The following USP42 variants were observed in gnomAD, a reference collection of about 807,000 sequenced individuals.
The protein encoded by USP42 is ubiquitin carboxyl-terminal hydrolase 42.
USP42 carries 23 observed loss-of-function variants against 113.0 expected under a neutral mutation model. The ratio of observed to expected loss-of-function variants is 0.20; its 90% CI spans 0.15 to 0.29. The LOEUF is 0.29. Among genes scored for constraint, USP42 ranks in the 10% least tolerant of loss-of-function variants. USP42 has a pLI of 1.00. For missense variants in USP42, 2,174 were observed against 1,779.8 expected, an observed-to-expected ratio of 1.22 and a Z score of -3.99; for synonymous variants, 933 against 699.0, an observed-to-expected ratio of 1.33 and a Z score of -5.28.
intron 15 of USP42, among the ~76,000 whole-genome samples, 172 bp downstream of exon 15, chr7:6,155,367 T>C (rs1782385612): frequency 6.6e-6 from 1 of 152,222 alleles, no homozygotes; most frequent in African/African-American, 2.4e-5. Flanking sequence ...TACAGATTTG[T>C]AAAAATTTGC....
upstream of USP42, among the ~76,000 whole-genome samples, chr7:6,102,987 A>C (rs1187089430): frequency 8.6e-5 from 13 of 151,044 alleles, no homozygotes; most frequent in Admixed American, 7.2e-4. Flanking sequence ...TGGGGAGGCC[A>C]GGTAAACATG....
chr7:6,127,453 GT>G (rs550990235), intron 3 of USP42, among the ~76,000 whole-genome samples: 38 of 144,570 alleles, frequency 2.6e-4, no homozygotes, highest in African/African-American at 6.8e-4. Flanking sequence ...TCCATTTTGA[GT>G]TTTTTTTTTT....
the USP42 span, among the ~76,000 whole-genome samples, chr7:6,083,117 G>T: frequency 6.7e-6 from 1 of 148,956 alleles, no homozygotes; most frequent in South Asian, 2.1e-4. Context: ...TAGAGGTGGG[G>T]TTTCACCATG....
chr7:6,137,619 A>G (rs564875578), intron 4 of USP42, among the ~76,000 whole-genome samples: 1 of 151,986 alleles, frequency 6.6e-6, no homozygotes, highest in East Asian at 1.9e-4. Context: ...TGGCCTCCCA[A>G]AGTGCAGAGA....
intron 3 of USP42, among the ~76,000 whole-genome samples, chr7:6,127,546 G>A (rs928175671): frequency 2.0e-5 from 3 of 151,546 alleles, no homozygotes; most frequent in African/African-American, 7.3e-5. Context: ...TGTCTTTGTT[G>A]AATTGCTTTT....
At chr7:6,091,801 G>T in the USP42 span, among the ~76,000 whole-genome samples, 1 of 149,824 alleles carries the variant, frequency 6.7e-6, no homozygotes, top group East Asian at 1.9e-4. Flanking sequence ...GTGGTGTCTA[G>T]CTATTTTGCC....
chr7:6,154,294 G>C lies in USP42; in HGVS notation c.2740G>C (p.Gly914Arg). 6.3e-7 allele frequency: 1 copy of C among 1,588,392 alleles called. No homozygotes were observed. Among genetic ancestry groups the C allele is most frequent in the Non-Finnish European group, 8.6e-7 (1 of 1,168,230 alleles). ...LDMAPAGHPE[G>R]DAEPSPGERV... ...CATGGCCCCGGCCGGTCACCCGGAA[G>C]GGGACGCTGAGCCTAGCCCCGGCGA... The change falls in exon 15 of 18, where the codon GGG (glycine) becomes CGG (arginine). Residue 914 changes from glycine (G) to arginine (R), a missense_variant. By Grantham distance (125) the Gly-to-Arg change is moderately radical. Coordinates refer to ENST00000306177, the MANE Select transcript of USP42 (RefSeq NM_032172.3).
rs1049978740 is a variant in USP42 at position 6,123,535 on chromosome 7, G to C, written c.442+8012G>C. Among the ~76,000 whole-genome samples the C allele has an allele frequency of 2.6e-5, 4 of 152,092 alleles. No homozygotes were observed. In the South Asian group the frequency reaches 8.3e-4, roughly 32 times the overall value. On this transcript the variant is annotated intron_variant, in intron 3 of 17. Transcript: ENST00000306177. ...ATATTAGCCAGGCGAGGTGGCGGGC[G>C]CCTGTAGTCCCAGCTACTCGGGAGG...
chr7:6,158,770 C>T lies in USP42; in HGVS notation c.3944-680C>T, dbSNP rs539467163. ...TGAGGGCTGCTTGGTACCCGAGGAT[C>T]CGAGGATGCAGTGGATGGGCTCATT... On this transcript the variant is annotated intron_variant, in intron 16 of 17. Transcript: ENST00000306177. This position sits in a 1 kb window ranked among gnomAD's most constrained non-coding sequence, Gnocchi z 4.2. Among the ~76,000 whole-genome samples, 2 of 152,188 alleles carry T rather than the reference C, an allele frequency of 1.3e-5. No individual in the cohort carries two copies. Among genetic ancestry groups the T allele is most frequent in the Non-Finnish European group, 2.9e-5 (2 of 68,044 alleles).
rs1782596279 is a variant in USP42, at chr7:6,158,577, A to C, written c.3944-873A>C. ...AGAGAGAGCTGGGGGTTGCGGGGTG[A>C]GCCCCATGGGGGACATTTGCCCATG... On this transcript the variant is annotated intron_variant, in intron 16 of 17. Coordinates refer to ENST00000306177, the MANE Select transcript of USP42 (RefSeq NM_032172.3). The surrounding 1 kb of genome is among the most constrained non-coding windows in gnomAD (Gnocchi z 4.2). 6.6e-6 allele frequency among the ~76,000 whole-genome samples: 1 copy of C among 152,154 alleles called. No homozygotes were observed. The highest frequency in any genetic ancestry group is 2.1e-4 in the South Asian group (1 of 4,836).
At chr7:6,117,588 G>A (rs1357591742) in intron 3 of USP42, among the ~76,000 whole-genome samples, 4 of 152,122 alleles carry the variant, frequency 2.6e-5, no homozygotes, top group Non-Finnish European at 5.9e-5. Context: ...TCCTGGGGTG[G>A]GTGTGTACTT....
Position 6,158,383 on chromosome 7 carries a change from C to T in USP42, c.3944-1067C>T, listed in dbSNP as rs1045226594. ...TGTTCACGTGTGAAGCGCATCCCCTCCTCCCAGGGGCTTTTGACGAATCTT... is the reference window on the plus strand; with the variant it reads ...TGTTCACGTGTGAAGCGCATCCCCTTCTCCCAGGGGCTTTTGACGAATCTT... On this transcript the variant is annotated intron_variant, in intron 16 of 17. Coordinates refer to ENST00000306177, the MANE Select transcript of USP42 (RefSeq NM_032172.3). The surrounding 1 kb of genome is among the most constrained non-coding windows in gnomAD (Gnocchi z 4.2). Among the ~76,000 whole-genome samples the T allele has an allele frequency of 7.2e-5, 11 of 152,222 alleles. No homozygotes were observed. Among genetic ancestry groups the T allele is most frequent in the Non-Finnish European group, 1.5e-4 (10 of 68,040 alleles).
chr7:6,148,461 TCTC>T (rs1200621844), intron 12 of USP42, among the ~76,000 whole-genome samples: 1 of 152,366 alleles, frequency 6.6e-6, no homozygotes, highest in East Asian at 1.9e-4. Flanking sequence ...CTTCCATTCT[TCTC>T]AAAGGGTTAA....
Position 6,139,502 on chromosome 7 carries a change from CCTT to C in USP42, c.656+309_656+311del, listed in dbSNP as rs1181083342. The C allele has an allele frequency of 4.1e-6, 1 of 242,980 alleles. No homozygotes were observed. Among genetic ancestry groups the C allele is most frequent in the East Asian group, 9.9e-5 (1 of 10,102 alleles). 15.1% of individuals were successfully genotyped at this position (242,980 alleles called of 1,614,324 possible). A position where few individuals can be genotyped will look rare whatever the true frequency, so the allele number is the denominator to read the frequency against. On this transcript the variant is annotated intron_variant, in intron 5 of 17. Coordinates refer to ENST00000306177, the MANE Select transcript of USP42 (RefSeq NM_032172.3). The surrounding 1 kb of genome is among the most constrained non-coding windows in gnomAD (Gnocchi z 4.5). The stretch of plus-strand genomic sequence containing the variant: ...TGCAGATCTCAAACTAGCTGCTTCT[CCTT>C]TCTAGTTGTGCCTGACATTTTCTTT...
chr7:6,139,191 A>G lies in USP42; in HGVS notation c.653A>G (p.Asn218Ser). ...AMQKACLNGS[N>S]KLDRHTQATT... is the part of the protein sequence containing the mutation. ...CAGAAAGCATGCTTGAATGGCAGCA[A>G]TAAGTAAGTACAACAGAGCGCCAGC... Residue 218 changes from asparagine to serine, a missense_variant, in exon 5 of 18, where the codon AAT becomes AGT. Asn to Ser is a conservative substitution (Grantham distance 46). Coordinates refer to ENST00000306177, the MANE Select transcript of USP42 (RefSeq NM_032172.3). This position sits in a 1 kb window ranked among gnomAD's most constrained non-coding sequence, Gnocchi z 4.5. The G allele has an allele frequency of 3.8e-6, 6 of 1,599,370 alleles. No homozygotes were observed. The highest frequency in any genetic ancestry group is 1.7e-4 in the Middle Eastern group (1 of 6,048).
At chr7:6,132,836 T>C (rs1780925614) in intron 3 of USP42, among the ~76,000 whole-genome samples, 1 of 152,146 alleles carries the variant, frequency 6.6e-6, no homozygotes, top group African/African-American at 2.4e-5. Context: ...CACACCCGGC[T>C]AATTTTTTTG....
the USP42 span, among the ~76,000 whole-genome samples, chr7:6,082,485 G>A: frequency 6.6e-6 from 1 of 150,528 alleles, no homozygotes; most frequent in African/African-American, 2.5e-5. Flanking sequence ...GGGTGTAGTG[G>A]CTCACACTTG....
At position 6,139,837 on chromosome 7, in the gene USP42, A is replaced by G; in HGVS notation, c.657-291A>G. Reference sequence around the variant, plus strand: ...CTCCCACACAGGCCGCAGTGCCCGGAGGCTGCCATCTTCCTGCTTCAGGAC... The same window carrying G: ...CTCCCACACAGGCCGCAGTGCCCGGGGGCTGCCATCTTCCTGCTTCAGGAC... On this transcript the variant is annotated intron_variant, in intron 5 of 17. Transcript: ENST00000306177. This position sits in a 1 kb window ranked among gnomAD's most constrained non-coding sequence, Gnocchi z 4.5. 1 of 477,942 alleles carries G rather than the reference A, an allele frequency of 2.1e-6. No homozygotes were observed. Among genetic ancestry groups the G allele is most frequent in the African/African-American group, 2.0e-5 (1 of 50,702 alleles). 29.6% of individuals were successfully genotyped at this position (477,942 alleles called of 1,614,324 possible).
the USP42 span, among the ~76,000 whole-genome samples, chr7:6,094,118 G>A: frequency 8.8e-3 from 1,322 of 150,792 alleles, 98 homozygotes; most frequent in African/African-American, 0.031. Flanking sequence ...TCCTGACCTC[G>A]TGATCCACCT....
Sources: gnomAD v4.1 joint callset for allele counts (sites outside exome capture counted in the v4.1 genomes callset) on GRCh38, gnomAD v4.1.1 for gene constraint, Gnocchi (gnomAD v3.1) non-coding constraint, MANE v1.5 for transcripts, NCBI Gene and HGNC (gene_info 2026-07-23, HGNC 2026-07-21) for gene names.